Variants in OPCML observed in about 807,000 individuals in gnomAD.
OPCML encodes opioid binding protein/cell adhesion molecule like, also known as opioid-binding protein/cell adhesion molecule.
A neutral mutation model predicts 37.8 loss-of-function variants in OPCML; 13 were observed. That is an observed-to-expected ratio of 0.34 (90% CI 0.22 to 0.55). The LOEUF (loss-of-function observed/expected upper bound fraction) is 0.55. Ranked by LOEUF, OPCML falls within the 20% of genes least tolerant of loss-of-function variation. The pLI is 0.91. For missense variants in OPCML, 341 were observed against 435.6 expected (o/e 0.78, Z 1.93); for synonymous variants, 176 against 168.8 (o/e 1.04, Z -0.33).
At chr11:132,634,923 C>G (rs770892280) in intron 3 of OPCML, among the ~76,000 whole-genome samples, 1 of 151,738 alleles carries the variant, frequency 6.6e-6, no homozygotes, top group Non-Finnish European at 1.5e-5. Flanking sequence ...GCCTTGCATG[C>G]GAGATAAGAA....
Position 132,724,650 on chromosome 11 carries a change from A to G in OPCML, c.147-67331T>C, listed in dbSNP as rs2878550. 7.2e-4 allele frequency among the ~76,000 whole-genome samples: 110 copies of G among 152,326 alleles called. 3 individuals are homozygous for G. In the South Asian group the frequency reaches 0.022, roughly 30 times the overall value. ...CTTAACCCATTTTAGTATTAACTCC[A>G]TAGTACAAAGTCTCATCTGAGACAA... is the stretch of plus-strand genomic sequence containing the variant. On this transcript the variant is annotated intron_variant, in intron 2 of 7. Transcript: ENST00000524381.
At chr11:132,664,578 G>A (rs1942142390) in intron 2 of OPCML, among the ~76,000 whole-genome samples, 1 of 152,166 alleles carries the variant, frequency 6.6e-6, no homozygotes, top group Non-Finnish European at 1.5e-5. Flanking sequence ...GGAAGACCTT[G>A]CTTTAATAAA....
Position 132,553,503 on chromosome 11 carries a change from G to A in OPCML, c.380-24317C>T, listed in dbSNP as rs79482281. 3.5e-3 allele frequency among the ~76,000 whole-genome samples: 535 copies of A among 152,276 alleles called. 1 individual carries two copies. The highest frequency in any genetic ancestry group is 0.02 in the Middle Eastern group (6 of 294). On this transcript the variant is annotated intron_variant, in intron 3 of 7. Coordinates refer to ENST00000524381, the MANE Select transcript of OPCML (RefSeq NM_001012393.5). ...ACACCAGGAGAAAGAGCTTGGAACTGCTGGGCCACAGAAGGGCATAGCTGA... is the reference window on the plus strand; with the variant it reads ...ACACCAGGAGAAAGAGCTTGGAACTACTGGGCCACAGAAGGGCATAGCTGA...
At chr11:132,750,231 A>G (rs1160588959) in intron 2 of OPCML, among the ~76,000 whole-genome samples, 3 of 152,206 alleles carry the variant, frequency 2.0e-5, no homozygotes, top group Non-Finnish European at 2.9e-5. Flanking sequence ...TGGACTAAAT[A>G]CTTATATTTT....
intron 1 of OPCML, among the ~76,000 whole-genome samples, chr11:133,084,742 A>T (rs1222333318): frequency 1.3e-5 from 2 of 152,134 alleles, no homozygotes; most frequent in Non-Finnish European, 2.9e-5. Context: ...GTATGAGATC[A>T]CCTGTTATAT....
chr11:132,686,423 G>C (rs1282387308), intron 2 of OPCML, among the ~76,000 whole-genome samples: 6 of 152,214 alleles, frequency 3.9e-5, no homozygotes, highest in Non-Finnish European at 8.8e-5. Context: ...GCAGTCTACA[G>C]AAACTGACTG....
chr11:133,324,710 A>C (rs994897202), intron 1 of OPCML, among the ~76,000 whole-genome samples: 73 of 152,300 alleles, frequency 4.8e-4, no homozygotes, highest in African/African-American at 1.5e-3. Flanking sequence ...CCAATCAGGC[A>C]CAAATTTGAA....
intron 1 of OPCML, among the ~76,000 whole-genome samples, chr11:133,290,300 G>A (rs572554992): frequency 1.3e-5 from 2 of 152,272 alleles, no homozygotes; most frequent in South Asian, 4.1e-4. Flanking sequence ...ACAAGAGCAG[G>A]CAAATGCTAG....
At chr11:133,308,011 A>C (rs1244320065) in intron 1 of OPCML, among the ~76,000 whole-genome samples, 4 of 152,176 alleles carry the variant, frequency 2.6e-5, no homozygotes, top group Non-Finnish European at 4.4e-5. Context: ...CTAACAATGA[A>C]AAGACGAGAT....
intron 2 of OPCML, among the ~76,000 whole-genome samples, chr11:132,929,457 G>T (rs1945117643): frequency 6.6e-6 from 1 of 152,082 alleles, no homozygotes; most frequent in Non-Finnish European, 1.5e-5. Context: ...CATCACTGCT[G>T]AATTTTATCA....
chr11:133,421,122 C>G, intron 1 of OPCML: 2 of 985,382 alleles, frequency 2.0e-6, no homozygotes, highest in Non-Finnish European at 2.4e-6. Flanking sequence ...CAAATGTTCT[C>G]CAAGCTAACT....
At chr11:132,446,528 C>A (rs1438817859) in intron 4 of OPCML, among the ~76,000 whole-genome samples, 1 of 151,968 alleles carries the variant, frequency 6.6e-6, no homozygotes, top group Non-Finnish European at 1.5e-5. Context: ...ACAGTTCAGA[C>A]CCAAAGAATG....
chr11:132,848,027 G>C (rs189303957), intron 2 of OPCML, among the ~76,000 whole-genome samples: 63 of 152,252 alleles, frequency 4.1e-4, no homozygotes, highest in Non-Finnish European at 1.2e-4. Context: ...GACATGGACA[G>C]TGAAATTGAT....
chr11:133,182,905 C>T (rs1159874531), intron 1 of OPCML, among the ~76,000 whole-genome samples: 1 of 152,052 alleles, frequency 6.6e-6, no homozygotes, highest in Non-Finnish European at 1.5e-5. Flanking sequence ...CACGAAGGCG[C>T]CCAACCCCAA....
In OPCML at chr11:133,518,083, C is replaced by T. The variant is rs370569549; in HGVS notation, c.61+14181G>A. Reference sequence around the variant, plus strand: ...CCCCTCATAAGCAAAAAAAGGTTCACGAGAGGAGTGTGGTGTGCATATGTA... The same window carrying T: ...CCCCTCATAAGCAAAAAAAGGTTCATGAGAGGAGTGTGGTGTGCATATGTA... On this transcript the variant is annotated intron_variant, in intron 1 of 7. Coordinates refer to ENST00000524381, the MANE Select transcript of OPCML (RefSeq NM_001012393.5). Among the ~76,000 whole-genome samples, 121 of 152,102 alleles carry T rather than the reference C, an allele frequency of 8.0e-4. 2 individuals carry two copies. Among genetic ancestry groups the T allele is most frequent in the African/African-American group, 2.2e-3 (93 of 41,496 alleles).
At chr11:132,604,269 T>C (rs1023909396) in intron 3 of OPCML, among the ~76,000 whole-genome samples, 1 of 139,746 alleles carries the variant, frequency 7.2e-6, no homozygotes, top group Admixed American at 7.3e-5. Flanking sequence ...TGCTTCTTTG[T>C]GTTTATTTTC....
chr11:132,649,757 G>A (rs758287607), intron 3 of OPCML, among the ~76,000 whole-genome samples: 6 of 151,744 alleles, frequency 4.0e-5, no homozygotes, highest in East Asian at 3.9e-4. Flanking sequence ...TTATATACTC[G>A]TATACATATA....
intron 1 of OPCML, among the ~76,000 whole-genome samples, chr11:133,103,053 A>G (rs950724060): frequency 2.0e-5 from 3 of 152,184 alleles, no homozygotes; most frequent in African/African-American, 7.2e-5. Context: ...TTGAATCCAA[A>G]AAAGGGACAC....
chr11:132,622,864 G>C (rs910247694), intron 3 of OPCML, among the ~76,000 whole-genome samples: 1 of 152,150 alleles, frequency 6.6e-6, no homozygotes, highest in African/African-American at 2.4e-5. Flanking sequence ...GACAGGAAAA[G>C]AATTTGGAAT....
Sources: allele counts gnomAD v4.1 joint callset (sites outside exome capture counted in the v4.1 genomes callset), GRCh38; gene constraint gnomAD v4.1.1; transcripts MANE v1.5; gene names NCBI Gene and HGNC (gene_info 2026-07-23, HGNC 2026-07-21).